DHX37: variants seen among roughly 807,000 people sequenced by gnomAD.
DHX37 encodes the protein probable ATP-dependent RNA helicase DHX37.
Under a neutral mutation model 134.3 loss-of-function variants are expected in DHX37, and 52 were observed. That is an observed-to-expected ratio of 0.39 (90% CI 0.31 to 0.49). DHX37 has a LOEUF of 0.49. Among genes scored for constraint, DHX37 ranks in the 20% least tolerant of loss-of-function variants. DHX37 has a pLI of 0.93. For missense variants in DHX37, 1,344 were observed against 1,580.8 expected (o/e 0.85, Z 2.54); for synonymous variants, 634 against 670.7 (o/e 0.95, Z 0.85).
rs903882238 is a variant in DHX37 at position 124,957,075 on chromosome 12, G to A, written c.2218C>T (p.Leu740=). Residue 740 remains leucine (L), a synonymous_variant, in exon 17 of 27, where the codon CTG becomes TTG. Coordinates refer to ENST00000308736, the MANE Select transcript of DHX37 (RefSeq NM_032656.4). ...SVEALLAAEE[L]LIALGALQPP... ...TGCAGGGCACCCAGTGCGATCAACAGCTCCTCGGCGGCAAGAAGGGCTTCC... is the reference window on the plus strand; with the variant it reads ...TGCAGGGCACCCAGTGCGATCAACAACTCCTCGGCGGCAAGAAGGGCTTCC... 6.7e-7 allele frequency: 1 copy of A among 1,499,680 alleles called. No individual in the cohort carries two copies. The highest frequency in any genetic ancestry group is 8.9e-7 in the Non-Finnish European group (1 of 1,129,420). 92.9% of individuals were successfully genotyped at this position (1,499,680 alleles called of 1,614,324 possible).
rs890782281 is a variant in DHX37 at position 124,964,297 on chromosome 12, C to T, written c.2045+97G>A. Reference sequence around the variant, plus strand: ...GGGGCCCGGCAGGACACGGAACATACTACAGATGGAGGTGGGGGTCAGCAT... The same window carrying T: ...GGGGCCCGGCAGGACACGGAACATATTACAGATGGAGGTGGGGGTCAGCAT... On this transcript the variant is annotated intron_variant, in intron 15 of 26. Transcript: ENST00000308736. The T allele has an allele frequency of 1.9e-6, 3 of 1,563,340 alleles. No individual in the cohort carries two copies. In the African/African-American group the frequency reaches 4.1e-5, roughly 21 times the overall value.
intron 6 of DHX37, among the ~76,000 whole-genome samples, chr12:124,972,999 T>C (rs1954550694): frequency 6.6e-6 from 1 of 152,198 alleles, no homozygotes; most frequent in African/African-American, 2.4e-5. Context: ...AAAATTAATC[T>C]GGTGTGGTGG....
At chr12:124,975,344 C>A in intron 6 of DHX37, 75 bp downstream of exon 6, 5 of 1,476,718 alleles carry the variant, frequency 3.4e-6, no homozygotes, top group Non-Finnish European at 4.7e-6. Context: ...CTGCTCACCT[C>A]CTCCTGGGCT....
chr12:124,987,987 C>CTTTTTTT (rs11349687), intron 1 of DHX37, among the ~76,000 whole-genome samples: 2 of 79,694 alleles, frequency 2.5e-5, no homozygotes, highest in African/African-American at 5.9e-5. Context: ...GTCTGTGGAA[C>CTTTTTTT]TTTTTTTTTT....
rs749051651 is a variant in DHX37, at chr12:124,971,343, G to C, written c.1150C>G (p.Leu384Val). 66 of 1,613,296 alleles carry C rather than the reference G, an allele frequency of 4.1e-5. No homozygotes were observed. The Middle Eastern group carries it at 5.1e-4, about 13-fold the overall frequency. Residue 384 changes from leucine (L) to valine (V), a missense_variant, in exon 8 of 27, where the codon CTC (leucine) becomes GTC (valine). By Grantham distance (32) the Leu-to-Val change is conservative. Coordinates refer to ENST00000308736, the MANE Select transcript of DHX37 (RefSeq NM_032656.4). The stretch of plus-strand genomic sequence containing the variant: ...ACAATGCGGGACAGGAGGCCGATGA[G>C]GATGTCCGTGTACACGCTCCTCTCG... ...AHERSVYTDI[L>V]IGLLSRIVTL...
Position 124,952,518 on chromosome 12 carries a change from C to A in DHX37, c.2748G>T (p.Pro916=), listed in dbSNP as rs34950844. Residue 916 remains proline (P), a synonymous_variant, in exon 21 of 27, where the codon CCG becomes CCT. Transcript: ENST00000308736. The part of the protein sequence containing the change: ...AELFVDPKMQ[P]PTESQVTYLR... ...GGTAGGTCACCTGGCTCTCGGTGGG[C>A]GGCTGCATCTTGGGATCCACGAAGA... 3.7e-3 allele frequency: 5,907 copies of A among 1,602,290 alleles called. 47 individuals carry two copies. Among genetic ancestry groups the A allele is most frequent in the African/African-American group, 0.023 (1,699 of 74,146 alleles).
chr12:124,961,673 C>T (rs1325426353), intron 15 of DHX37, among the ~76,000 whole-genome samples: 7 of 152,136 alleles, frequency 4.6e-5, no homozygotes, highest in South Asian at 2.1e-4. Context: ...GTGATCTGCC[C>T]GCCTCATCCT....
intron 5 of DHX37, among the ~76,000 whole-genome samples, chr12:124,976,394 C>A (rs1430339234): frequency 2.0e-5 from 3 of 152,228 alleles, no homozygotes; most frequent in African/African-American, 7.2e-5. Context: ...GTCAAAAGTG[C>A]CAATAGCAGG....
chr12:124,964,704 C>T (rs1349557855), intron 14 of DHX37, 78 bp from the exon 15 acceptor site: 2 of 1,570,826 alleles, frequency 1.3e-6, no homozygotes, highest in Non-Finnish European at 1.7e-6. Context: ...AAGGACAAAG[C>T]CAGCCAGGCT....
Position 124,980,517 on chromosome 12 carries a change from G to T in DHX37, c.711C>A (p.Ile237=), listed in dbSNP as rs771678506. 1.6e-5 allele frequency: 25 copies of T among 1,611,460 alleles called. No individual in the cohort carries two copies. The South Asian group carries it at 2.7e-4, about 18-fold the overall frequency. ...PRALAKPAVF[I]PVNRSPEMQE... ...GCATTTCCGGGGAGCGGTTCACGGGGATGAAGACGGCGGGCTTAGCCAGGG... is the reference window on the plus strand; with the variant it reads ...GCATTTCCGGGGAGCGGTTCACGGGTATGAAGACGGCGGGCTTAGCCAGGG... The change falls in exon 4 of 27, where the codon ATC becomes ATA. Residue 237 remains isoleucine (I), a synonymous_variant. Transcript: ENST00000308736. This position sits in a 1 kb window ranked among gnomAD's most constrained non-coding sequence, Gnocchi z 5.3.
chr12:124,968,451 G>A (rs1158659827), intron 10 of DHX37, 83 bp downstream of exon 10: 17 of 1,573,992 alleles, frequency 1.1e-5, no homozygotes, highest in African/African-American at 6.7e-5. Context: ...TGAGCCACTC[G>A]GAGATGGGCC....
intron 16 of DHX37, among the ~76,000 whole-genome samples, chr12:124,958,907 C>T (rs980091595): frequency 4.9e-5 from 7 of 143,946 alleles, no homozygotes; most frequent in Non-Finnish European, 1.5e-5. Context: ...CCAATGCACC[C>T]AGCTTTTTTT....
chr12:124,968,370 G>C (rs1247060992), intron 10 of DHX37, among the ~76,000 whole-genome samples, 164 bp downstream of exon 10: 1 of 152,218 alleles, frequency 6.6e-6, no homozygotes, highest in Non-Finnish European at 1.5e-5. Flanking sequence ...GTGGAATAAG[G>C]CCAGACAGGT....
chr12:124,980,752 G>A lies in DHX37; in HGVS notation c.476C>T (p.Ala159Val). The A allele has an allele frequency of 6.4e-7, 1 of 1,557,812 alleles. No individual in the cohort carries two copies. Among genetic ancestry groups the A allele is most frequent in the Non-Finnish European group, 8.7e-7 (1 of 1,153,316 alleles). ...CTCCTCCTCCTCCTCCTCCTCCTCA[G>A]CTGAGGGCCAGCGGCGACGCTTCCG... ...AHRKRRRWPS[A>V]EEEEEEEEES... The change falls in exon 4 of 27, where the codon GCT (alanine) becomes GTT (valine). Residue 159 changes from alanine to valine, a missense_variant. Ala to Val is a moderately conservative substitution (Grantham distance 64). Coordinates refer to ENST00000308736, the MANE Select transcript of DHX37 (RefSeq NM_032656.4). This position sits in a 1 kb window ranked among gnomAD's most constrained non-coding sequence, Gnocchi z 5.3.
chr12:124,964,631 G>A lies in DHX37; in HGVS notation c.1813-5C>T, dbSNP rs1954340373. The A allele has an allele frequency of 6.2e-7, 1 of 1,606,562 alleles. No homozygotes were observed. Among genetic ancestry groups the A allele is most frequent in the Non-Finnish European group, 8.5e-7 (1 of 1,178,430 alleles). On this transcript the variant is annotated splice_region_variant and splice_polypyrimidine_tract_variant and intron_variant, in intron 14 of 26. Transcript: ENST00000308736. ...CTCCGGTGGAGGCTTAAAGACCTAGGATTCGGGGAAGGGATGGCAGGAAAA... is the reference window on the plus strand; with the variant it reads ...CTCCGGTGGAGGCTTAAAGACCTAGAATTCGGGGAAGGGATGGCAGGAAAA...
In DHX37 at chr12:124,947,817, G is replaced by A; in HGVS notation, c.3459C>T (p.Pro1153=). Residue 1153 remains proline (P), a synonymous_variant, in exon 27 of 27, where the codon CCC becomes CCT. Coordinates refer to ENST00000308736, the MANE Select transcript of DHX37 (RefSeq NM_032656.4). The part of the protein sequence containing the change: ...MHPDIEKAWP[P]TTVH The stretch of plus-strand genomic sequence containing the variant: ...AGGTTTCTGGTCAGTGGACAGTGGT[G>A]GGGGGCCAGGCTTTCTCGATATCGG... 1 of 1,590,232 alleles carries A rather than the reference G, an allele frequency of 6.3e-7. No individual in the cohort carries two copies. Among genetic ancestry groups the A allele is most frequent in the Non-Finnish European group, 8.6e-7 (1 of 1,167,162 alleles).
In DHX37 at chr12:124,986,152, T is replaced by C. The variant is rs1427375989; in HGVS notation, c.220A>G (p.Lys74Glu). The C allele has an allele frequency of 6.2e-7, 1 of 1,614,224 alleles. No individual in the cohort carries two copies. Among genetic ancestry groups the C allele is most frequent in the East Asian group, 2.2e-5 (1 of 44,886 alleles). ...LSKKEKKPLT[K>E]KEKKVLQKIL... is the part of the protein sequence containing the mutation. The stretch of plus-strand genomic sequence containing the variant: ...TTCTGCAGCACTTTCTTCTCCTTCT[T>C]GGTCAGAGGCTTCTTCTCCTTCTTC... Residue 74 changes from lysine to glutamate, a missense_variant, in exon 2 of 27, where the codon AAG (lysine) becomes GAG (glutamate). Lys to Glu is a moderately conservative substitution (Grantham distance 56). This residue lies in a region of DHX37 where 319 missense variants were observed against 296.1 expected (regional missense o/e 1.08). Transcript: ENST00000308736.
chr12:124,968,097 G>A (rs1223156261), intron 10 of DHX37, among the ~76,000 whole-genome samples: 6 of 151,960 alleles, frequency 3.9e-5, no homozygotes. Context: ...AAAAAGTCTG[G>A]CTGGAAGCGA....
Position 124,980,697 on chromosome 12 carries a change from C to T in DHX37, c.531G>A (p.Ser177=), listed in dbSNP as rs377637750. The change falls in exon 4 of 27, where the codon TCG becomes TCA. Residue 177 remains serine (S), a synonymous_variant. Transcript: ENST00000308736. The surrounding 1 kb of genome is among the most constrained non-coding windows in gnomAD (Gnocchi z 5.3). ...CAGCAGCTGGGTCCTCGTCCAGCTC[C>T]GACTCCTCCTCCAGCTCCGATTCCG... The part of the protein sequence containing the change: ...EESESELEEE[S]ELDEDPAAEP... The T allele has an allele frequency of 2.7e-5, 43 of 1,575,490 alleles. No homozygotes were observed. The highest frequency in any genetic ancestry group is 7.2e-5 in the Admixed American group (4 of 55,324).
Sources: gnomAD v4.1 joint callset for allele counts (sites outside exome capture counted in the v4.1 genomes callset) on GRCh38, gnomAD v4.1.1 for gene constraint, gnomAD v4.1.1 regional missense constraint, Gnocchi (gnomAD v3.1) non-coding constraint, MANE v1.5 for transcripts, NCBI Gene and HGNC (gene_info 2026-07-23, HGNC 2026-07-21) for gene names.